Variants in EPG5 observed in about 807,000 individuals in gnomAD.
EPG5 encodes the protein ectopic P granules protein 5 homolog.
Under a neutral mutation model 302.7 loss-of-function variants are expected in EPG5, and 159 were observed. That is an observed-to-expected ratio of 0.53 (90% CI 0.46 to 0.60). The LOEUF (loss-of-function observed/expected upper bound fraction) is 0.60, where lower values mean the gene tolerates loss of function less well. Ranked by LOEUF, EPG5 falls within the 20% of genes least tolerant of loss-of-function variation. The probability of loss-of-function intolerance (pLI) is 0.00; values close to 1 mark genes in which losing one functional copy is unlikely to be tolerated. For synonymous variants in EPG5, 1,158 were observed against 1,136.8 expected (o/e 1.02, Z -0.37); for missense variants, 2,896 against 3,092.4 (o/e 0.94, Z 1.51).
chr18:45,838,223 G>A, the EPG5 span, among the ~76,000 whole-genome samples: 3 of 152,176 alleles, frequency 2.0e-5, no homozygotes, highest in African/African-American at 7.2e-5. Context: ...TATGCCAAGA[G>A]GTGCAATGTG....
chr18:45,875,478 AG>A (rs1267582128), intron 35 of EPG5, among the ~76,000 whole-genome samples: 1 of 152,224 alleles, frequency 6.6e-6, no homozygotes, highest in East Asian at 1.9e-4. Flanking sequence ...ACAAACAAAT[AG>A]ATCTAGAAAT....
chr18:45,839,141 G>GCT, the EPG5 span: 9 of 1,352,686 alleles, frequency 6.7e-6, no homozygotes, highest in Admixed American at 1.6e-4. Flanking sequence ...CCGGGCCGGG[G>GCT]CTCTCTGCTC....
chr18:45,811,647 C>A, the EPG5 span, among the ~76,000 whole-genome samples: 1 of 152,192 alleles, frequency 6.6e-6, no homozygotes, highest in Non-Finnish European at 1.5e-5. Flanking sequence ...AGCATATAAA[C>A]AGAACCAAAG....
Position 45,912,356 on chromosome 18 carries a change from G to T in EPG5, c.3917C>A (p.Pro1306His), listed in dbSNP as rs534935599. The T allele has an allele frequency of 3.1e-6, 5 of 1,611,660 alleles. No individual in the cohort carries two copies. In the East Asian group the frequency reaches 8.9e-5, roughly 29 times the overall value. Residue 1306 changes from proline (P) to histidine (H), a missense_variant, in exon 22 of 44, where the codon CCC becomes CAC. Around this residue, in one of 5 missense-constraint regions of EPG5, gnomAD observed 790 missense variants for 798.0 expected, o/e 0.99. Coordinates refer to ENST00000282041, the MANE Select transcript of EPG5 (RefSeq NM_020964.3). ...HQALVTPSDH[P>H]LLPLIWQKFF... ...CTTCTGCCAAATGAGTGGCAGGAGG[G>T]GGTGATCAGAAGGTGTGACCAGAGC...
At chr18:45,859,329 GGGAGC>G in intron 40 of EPG5, among the ~76,000 whole-genome samples, 1 of 152,278 alleles carries the variant, frequency 6.6e-6, no homozygotes, top group Middle Eastern at 3.4e-3. Context: ...CACTCTTTGG[GGGAGC>G]GAGGGTGGGG....
intron 39 of EPG5, among the ~76,000 whole-genome samples, chr18:45,861,506 A>AGAACACCCTTCTCTCCTTTCCC (rs2048633627): frequency 1.3e-5 from 2 of 152,206 alleles, no homozygotes; most frequent in Non-Finnish European, 2.9e-5. Context: ...AGATCTTTCC[A>AGAACACCCTTCTCTCCTTTCCC]GAACACCCTT....
rs140184696 is a variant in EPG5, at chr18:45,894,479, T to A, written c.4810-4539A>T. Among the ~76,000 whole-genome samples the A allele has an allele frequency of 1.9e-3, 285 of 151,436 alleles. 1 individual carries two copies. The highest frequency in any genetic ancestry group is 6.3e-3 in the African/African-American group (261 of 41,276). ...AATAATAATAATAATAATAATAATA[T>A]TAAAAACAAATAAAGATGGAAACCT... On this transcript the variant is annotated intron_variant, in intron 27 of 43. Coordinates refer to ENST00000282041, the MANE Select transcript of EPG5 (RefSeq NM_020964.3).
chr18:45,827,460 G>A, the EPG5 span, among the ~76,000 whole-genome samples: 2 of 152,342 alleles, frequency 1.3e-5, no homozygotes, highest in African/African-American at 4.8e-5. Flanking sequence ...ATTTAGGGTT[G>A]GGTCCCACTG....
chr18:45,842,184 G>A, the EPG5 span: 5,570 of 1,614,090 alleles, frequency 3.5e-3, 17 homozygotes, highest in Non-Finnish European at 4.0e-3. Flanking sequence ...TGTGCTCACC[G>A]TGAGGAGTCC....
At chr18:45,829,963 G>A in the EPG5 span, among the ~76,000 whole-genome samples, 4 of 152,094 alleles carry the variant, frequency 2.6e-5, no homozygotes, top group Non-Finnish European at 5.9e-5. Context: ...ATTCCACCAC[G>A]ACTACCACGG....
chr18:45,857,885 A>T lies in EPG5; in HGVS notation c.7410T>A (p.Ile2470=), dbSNP rs768733850. The change falls in exon 42 of 44, where the codon ATT becomes ATA. Residue 2470 remains isoleucine (I), a synonymous_variant. Coordinates refer to ENST00000282041, the MANE Select transcript of EPG5 (RefSeq NM_020964.3). ...ERLSSGILGA[I]GFGRKSPLSN... is the part of the protein sequence containing the mutation. ...ACAAAGGCGACTTCCGGCCAAACCC[A>T]ATTGCCCCCAGGATCCCAGAGCTGA... 1.9e-6 allele frequency: 3 copies of T among 1,612,240 alleles called. No homozygotes were observed. The African/African-American group carries it at 4.0e-5, about 22-fold the overall frequency.
chr18:45,899,540 T>C lies in EPG5; in HGVS notation c.4673A>G (p.Gln1558Arg). ...ARTAALRESQ[Q>R]VALDGELLDT... ...TAACAGCTCACCATCCAGAGCAACC[T>C]GCTGAGATTCCCGAAGAGCTGCGGT... Residue 1558 changes from glutamine to arginine, a missense_variant, in exon 27 of 44, where the codon CAG becomes CGG. Physicochemically the swap from Gln to Arg is conservative, Grantham distance 43. This residue lies in a region of EPG5 where 790 missense variants were observed against 798.0 expected (regional missense o/e 0.99). Transcript: ENST00000282041. 6.2e-7 allele frequency: 1 copy of C among 1,614,152 alleles called. No homozygotes were observed. The highest frequency in any genetic ancestry group is 2.2e-5 in the East Asian group (1 of 44,888).
rs143744937 is a variant in EPG5 at position 45,962,108 on chromosome 18, G to A, written c.63+5069C>T. Reference sequence around the variant, plus strand: ...ATCCCAAGTGCCTAGAATAGTTTTCGGAACATAATGGGTGATCAATGAGTG... The same window carrying A: ...ATCCCAAGTGCCTAGAATAGTTTTCAGAACATAATGGGTGATCAATGAGTG... On this transcript the variant is annotated intron_variant, in intron 1 of 43. Transcript: ENST00000282041. 7.1e-3 allele frequency among the ~76,000 whole-genome samples: 1,075 copies of A among 152,126 alleles called. 10 individuals carry two copies. Among genetic ancestry groups the A allele is most frequent in the African/African-American group, 0.024 (997 of 41,498 alleles).
chr18:45,874,214 C>T (rs1169963807), intron 35 of EPG5, among the ~76,000 whole-genome samples: 3 of 152,174 alleles, frequency 2.0e-5, no homozygotes, highest in African/African-American at 7.2e-5. Context: ...ATGTATCACC[C>T]TGGTGTGGAA....
intron 10 of EPG5, among the ~76,000 whole-genome samples, chr18:45,938,764 G>T (rs2145875361): frequency 6.6e-6 from 1 of 152,296 alleles, no homozygotes; most frequent in South Asian, 2.1e-4. Context: ...AATGAAAAAA[G>T]TGAGACCACA....
the EPG5 span, among the ~76,000 whole-genome samples, chr18:45,806,486 G>T: frequency 3.9e-5 from 6 of 152,084 alleles, no homozygotes. Context: ...GAAGCAGATT[G>T]CCTGGGAGAC....
At chr18:45,945,034 G>A (rs1362134866) in intron 7 of EPG5, among the ~76,000 whole-genome samples, 3 of 152,104 alleles carry the variant, frequency 2.0e-5, no homozygotes, top group Admixed American at 2.0e-4. Flanking sequence ...TGTCCCTTAG[G>A]ACATGACCAT....
At chr18:45,882,057 A>G (rs533032661) in intron 31 of EPG5, among the ~76,000 whole-genome samples, 2 of 152,192 alleles carry the variant, frequency 1.3e-5, no homozygotes, top group Non-Finnish European at 2.9e-5. Flanking sequence ...GCCTTGCCCA[A>G]TTAGAGCCCA....
intron 36 of EPG5, 48 bp downstream of exon 36, chr18:45,870,519 T>C (rs1485385211): frequency 6.4e-7 from 1 of 1,563,578 alleles, no homozygotes; most frequent in Non-Finnish European, 8.7e-7. Flanking sequence ...GGCTGCTCCC[T>C]AGAAGCCAGA....
Sources: gnomAD v4.1 joint callset for allele counts (sites outside exome capture counted in the v4.1 genomes callset) on GRCh38, gnomAD v4.1.1 for gene constraint, gnomAD v4.1.1 regional missense constraint, MANE v1.5 for transcripts, NCBI Gene and HGNC (gene_info 2026-07-23, HGNC 2026-07-21) for gene names.